Variants in ARHGEF18 observed in about 807,000 individuals in gnomAD.
The protein encoded by ARHGEF18 is rho guanine nucleotide exchange factor 18.
Under a neutral mutation model 155.7 loss-of-function variants are expected in ARHGEF18, and 93 were observed. That is an observed-to-expected ratio of 0.60 (90% CI 0.50 to 0.71). The LOEUF (loss-of-function observed/expected upper bound fraction) is 0.71. Ranked by LOEUF, ARHGEF18 falls within the 30% of genes least tolerant of loss-of-function variation. ARHGEF18 has a pLI of 0.00. For missense variants in ARHGEF18, 1,593 were observed against 1,816.1 expected, an observed-to-expected ratio of 0.88 and a Z score of 2.23; for synonymous variants, 742 against 753.1, an observed-to-expected ratio of 0.99 and a Z score of 0.24.
chr19:7,451,262 G>T lies in ARHGEF18; in HGVS notation c.1851G>T (p.Thr617=). Residue 617 remains threonine, a synonymous_variant, in exon 16 of 29, where the codon ACG becomes ACT. Coordinates refer to ENST00000668164, the MANE Select transcript of ARHGEF18 (RefSeq NM_001367823.1). ...PVLVERIIQN[T]EAGTEDYEDL... ...TGGTGGAGCGCATCATCCAGAACAC[G>T]GAAGGTAGGCCTTCTCCCCACTGCC... is the stretch of plus-strand genomic sequence containing the variant. 6.2e-7 allele frequency: 1 copy of T among 1,613,736 alleles called. No individual in the cohort carries two copies. Among genetic ancestry groups the T allele is most frequent in the Non-Finnish European group, 8.5e-7 (1 of 1,179,942 alleles).
At chr19:7,417,451 A>C (rs1470833185) in intron 10 of ARHGEF18, among the ~76,000 whole-genome samples, 1 of 152,190 alleles carries the variant, frequency 6.6e-6, no homozygotes, top group Non-Finnish European at 1.5e-5. Context: ...TAATCCTAGC[A>C]CTTTGGGAGA....
downstream of ARHGEF18, among the ~76,000 whole-genome samples, chr19:7,473,944 C>G (rs1242125580): frequency 1.3e-5 from 2 of 150,778 alleles, no homozygotes; most frequent in South Asian, 4.2e-4. Flanking sequence ...GATCGTGCCA[C>G]TGCACTCCAG....
chr19:7,467,495 G>C lies in ARHGEF18; in HGVS notation c.3291G>C (p.Gln1097His). Residue 1097 changes from glutamine (Q) to histidine (H), a missense_variant, in exon 26 of 29, where the codon CAG (glutamine) becomes CAC (histidine). Gln to His is a conservative substitution (Grantham distance 24). Coordinates refer to ENST00000668164, the MANE Select transcript of ARHGEF18 (RefSeq NM_001367823.1). The part of the protein sequence containing the change: ...RLQEREGEAR[Q>H]LRERLEQERA... Reference sequence around the variant, plus strand: ...AGGAGCGCGAGGGCGAGGCGCGGCAGCTACGCGAGCGGCTGGAGCAGGAGC... The same window carrying C: ...AGGAGCGCGAGGGCGAGGCGCGGCACCTACGCGAGCGGCTGGAGCAGGAGC... The C allele has an allele frequency of 7.0e-7, 1 of 1,435,806 alleles. No homozygotes were observed. Among genetic ancestry groups the C allele is most frequent in the Non-Finnish European group, 9.0e-7 (1 of 1,106,666 alleles). 88.9% of individuals were successfully genotyped at this position (1,435,806 alleles called of 1,614,324 possible). A position where few individuals can be genotyped will look rare whatever the true frequency, so the allele number is the denominator to read the frequency against.
At chr19:7,366,632 G>A (rs1225733229) in intron 2 of ARHGEF18, among the ~76,000 whole-genome samples, 1 of 152,148 alleles carries the variant, frequency 6.6e-6, no homozygotes, top group African/African-American at 2.4e-5. Context: ...GACTATAACG[G>A]TTTGGCTTAA....
chr19:7,416,235 C>G (rs1972997369), intron 10 of ARHGEF18, among the ~76,000 whole-genome samples: 1 of 103,940 alleles, frequency 9.6e-6, no homozygotes, highest in African/African-American at 3.1e-5. Flanking sequence ...GACCCTATCT[C>G]TAAAAAAAAA....
intron 2 of ARHGEF18, 109 bp downstream of exon 2, chr19:7,363,014 G>A: frequency 1.7e-6 from 2 of 1,186,290 alleles, no homozygotes; most frequent in East Asian, 3.2e-5. Flanking sequence ...ATTATCTCAG[G>A]GAATCCTCAT....
chr19:7,451,386 G>C, intron 16 of ARHGEF18, 120 bp downstream of exon 16: 1 of 744,772 alleles, frequency 1.3e-6, no homozygotes, highest in Non-Finnish European at 2.1e-6. Context: ...CCAGTTTGCT[G>C]GGTGCTGGGG....
chr19:7,371,820 CA>C (rs11407900), intron 2 of ARHGEF18, among the ~76,000 whole-genome samples: 101 of 138,192 alleles, frequency 7.3e-4, no homozygotes, highest in Non-Finnish European at 6.9e-4. Context: ...GACTCCATCT[CA>C]AAAAAAAAAA....
Position 7,416,798 on chromosome 19 carries a change from T to A in ARHGEF18, c.968-23546T>A, listed in dbSNP as rs1273945767. On this transcript the variant is annotated intron_variant, in intron 10 of 28. Transcript: ENST00000668164. ...TTTGTATTTTTAAGTGGAAACGGGG[T>A]TTCACTGTGTTAGCCAGGATGGTCT... Among the ~76,000 whole-genome samples the A allele has an allele frequency of 1.3e-4, 4 of 31,232 alleles. No individual in the cohort carries two copies. In the East Asian group the frequency reaches 7.8e-3, roughly 61 times the overall value. The allele number at this position is 31,232 out of a possible 152,430, so 20.5% of individuals were successfully genotyped here.
At chr19:7,406,104 G>A (rs185163313) in intron 10 of ARHGEF18, among the ~76,000 whole-genome samples, 7 of 151,816 alleles carry the variant, frequency 4.6e-5, no homozygotes, top group African/African-American at 1.2e-4. Context: ...TTATTGAGAC[G>A]GAGTTTCGCT....
intron 3 of ARHGEF18, among the ~76,000 whole-genome samples, chr19:7,375,445 G>GA (rs1255716972): frequency 7.6e-4 from 113 of 147,868 alleles, no homozygotes; most frequent in Non-Finnish European, 1.5e-3. Context: ...GAAAAGAAAA[G>GA]AAAGAAAAGA....
chr19:7,464,949 A>T (rs1198920127), intron 23 of ARHGEF18, among the ~76,000 whole-genome samples: 1 of 152,228 alleles, frequency 6.6e-6, no homozygotes, highest in African/African-American at 2.4e-5. Flanking sequence ...CCATGGCTTC[A>T]TCAACAGGCG....
rs1484264920 is a variant in ARHGEF18, at chr19:7,362,844, G to A, written c.-47G>A. 1.6e-6 allele frequency: 2 copies of A among 1,234,244 alleles called. No individual in the cohort carries two copies. The highest frequency in any genetic ancestry group is 2.0e-6 in the Non-Finnish European group (2 of 988,190). 76.5% of individuals were successfully genotyped at this position (1,234,244 alleles called of 1,614,324 possible). A position where few individuals can be genotyped will look rare whatever the true frequency, so the allele number is the denominator to read the frequency against. ...GGAGCTGTGGCTTCAGCCACCAAGA[G>A]CAGCAGTGGATCCTGGAAACCTGAG... On this transcript the variant is annotated 5_prime_UTR_variant, in exon 2 of 29. Transcript: ENST00000668164.
intron 10 of ARHGEF18, among the ~76,000 whole-genome samples, chr19:7,394,301 A>G (rs1971555525): frequency 6.6e-6 from 1 of 151,964 alleles, no homozygotes; most frequent in African/African-American, 2.4e-5. Flanking sequence ...TGTTGCCCAG[A>G]CTGGTGGTCC....
Position 7,469,117 on chromosome 19 carries a change from G to A in ARHGEF18, c.3773G>A (p.Arg1258His), listed in dbSNP as rs1298104777. The A allele has an allele frequency of 5.6e-6, 9 of 1,600,060 alleles. No homozygotes were observed. Among genetic ancestry groups the A allele is most frequent in the South Asian group, 3.4e-5 (3 of 89,238 alleles). ...GGCGGCAAGAGCAGGGGCTCTCAGC[G>A]CTGGGAGAGCTCAGGTGAGCCGGCC... is the stretch of plus-strand genomic sequence containing the variant. ...DKGGKSRGSQ[R>H]WESSASFDLK... The change falls in exon 27 of 29, where the codon CGC becomes CAC. Residue 1258 changes from arginine to histidine, a missense_variant. By Grantham distance (29) the Arg-to-His change is conservative (BLOSUM62 0). Coordinates refer to ENST00000668164, the MANE Select transcript of ARHGEF18 (RefSeq NM_001367823.1).
At chr19:7,416,562 T>A (rs1020851386) in intron 10 of ARHGEF18, among the ~76,000 whole-genome samples, 3 of 149,072 alleles carry the variant, frequency 2.0e-5, no homozygotes, top group African/African-American at 7.4e-5. Context: ...TGTGTGTGTG[T>A]GTGTGTGTGT....
chr19:7,439,772 C>T, intron 10 of ARHGEF18: 1 of 1,405,692 alleles, frequency 7.1e-7, no homozygotes, highest in Non-Finnish European at 9.2e-7. Context: ...GAGGTTTTGG[C>T]ATGAAGCACG....
chr19:7,373,477 G>GTTT (rs369561919), intron 3 of ARHGEF18, among the ~76,000 whole-genome samples: 1,151 of 95,562 alleles, frequency 0.012, 26 homozygotes, highest in African/African-American at 0.055. Context: ...TTTTTTTTTT[G>GTTT]TTTTTGTTTT....
the ARHGEF18 span, chr19:7,478,287 C>T: frequency 7.5e-6 from 12 of 1,606,134 alleles, no homozygotes; most frequent in African/African-American, 4.0e-5. Context: ...GAGTGGGCCT[C>T]CCTGCTGGGT....
Sources: allele counts gnomAD v4.1 joint callset (sites outside exome capture counted in the v4.1 genomes callset), GRCh38; gene constraint gnomAD v4.1.1; transcripts MANE v1.5; gene names NCBI Gene and HGNC (gene_info 2026-07-23, HGNC 2026-07-21).